The following C11orf54 variants were observed in gnomAD, a reference collection of about 807,000 sequenced individuals.
C11orf54 encodes the protein beta-keto L-gulonate decarboxylase.
Under a neutral mutation model 35.5 loss-of-function variants are expected in C11orf54, and 29 were observed. The ratio of observed to expected loss-of-function variants is 0.82; its 90% CI spans 0.61 to 1.11. C11orf54 has a LOEUF of 1.11. Among genes scored for constraint, C11orf54 ranks in the 50% most tolerant of loss-of-function variants. C11orf54 has a pLI of 0.00. For synonymous variants in C11orf54, 108 were observed against 121.1 expected, an observed-to-expected ratio of 0.89 and a Z score of 0.71; for missense variants, 373 against 369.2, an observed-to-expected ratio of 1.01 and a Z score of -0.08.
Position 93,759,865 on chromosome 11 carries a change from C to T in C11orf54, c.774+7C>T. 1 of 1,507,596 alleles carries T rather than the reference C, an allele frequency of 6.6e-7. No individual in the cohort carries two copies. Among genetic ancestry groups the T allele is most frequent in the Non-Finnish European group, 9.1e-7 (1 of 1,092,932 alleles). The allele number at this position is 1,507,596 out of a possible 1,614,324, so 93.4% of individuals were successfully genotyped here. ...TTTTGTCTCCAGAGACCCAGTAAGT[C>T]TGTGTCTGTTTTTTATATTATACTA... On this transcript the variant is annotated splice_region_variant and intron_variant, in intron 8 of 8. Transcript: ENST00000354421.
Position 93,759,845 on chromosome 11 carries a change from T to C in C11orf54, c.761T>C (p.Val254Ala). Residue 254 changes from valine to alanine, a missense_variant, in exon 8 of 9, where the codon GTC becomes GCC. Coordinates refer to ENST00000354421, the MANE Select transcript of C11orf54 (RefSeq NM_001286069.2). ...KAPLVCLPVFVSRDPGFDLRL... is the reference protein window; with the variant it reads ...KAPLVCLPVFASRDPGFDLRL... ...CCTTTGGTTTGTCTACCAGTTTTTGTCTCCAGAGACCCAGTAAGTCTGTGT... is the reference window on the plus strand; with the variant it reads ...CCTTTGGTTTGTCTACCAGTTTTTGCCTCCAGAGACCCAGTAAGTCTGTGT... The C allele has an allele frequency of 6.3e-7, 1 of 1,593,136 alleles. No individual in the cohort carries two copies. Among genetic ancestry groups the C allele is most frequent in the Non-Finnish European group, 8.6e-7 (1 of 1,162,544 alleles).
At chr11:93,748,996 T>C (rs1306631675) in intron 2 of C11orf54, among the ~76,000 whole-genome samples, 1 of 151,170 alleles carries the variant, frequency 6.6e-6, no homozygotes, top group East Asian at 2.0e-4. Flanking sequence ...ATAGAAAAAA[T>C]AGCTGGGTGT....
In C11orf54 at chr11:93,757,351, A is replaced by T; in HGVS notation, c.543A>T (p.Pro181=). 6.3e-7 allele frequency: 1 copy of T among 1,598,298 alleles called. No individual in the cohort carries two copies. The highest frequency in any genetic ancestry group is 8.5e-7 in the Non-Finnish European group (1 of 1,179,772). The change falls in exon 7 of 9, where the codon CCA becomes CCT. Residue 181 remains proline (P), a synonymous_variant. Coordinates refer to ENST00000354421, the MANE Select transcript of C11orf54 (RefSeq NM_001286069.2). Reference sequence around the variant, plus strand: ...TGAAAGCCAAAAGAAGAACTGGACCACTTAACTTTGTGACTTGTATGAGAG... The same window carrying T: ...TGAAAGCCAAAAGAAGAACTGGACCTCTTAACTTTGTGACTTGTATGAGAG... The part of the protein sequence containing the change: ...IEVKAKRRTG[P]LNFVTCMRET...
At chr11:93,755,669 C>G (rs957711155) in intron 6 of C11orf54, among the ~76,000 whole-genome samples, 1 of 150,344 alleles carries the variant, frequency 6.7e-6, no homozygotes, top group African/African-American at 2.4e-5. Flanking sequence ...GAGAGAATCG[C>G]TCAGACTCGG....
At chr11:93,750,623 C>G (rs1258929511) in intron 3 of C11orf54, among the ~76,000 whole-genome samples, 179 bp downstream of exon 3, 1 of 152,196 alleles carries the variant, frequency 6.6e-6, no homozygotes, top group Non-Finnish European at 1.5e-5. Flanking sequence ...TCATTTCATA[C>G]TCTTGTGGAA....
intron 3 of C11orf54, among the ~76,000 whole-genome samples, chr11:93,753,382 G>A (rs1244662760): frequency 5.9e-5 from 9 of 152,044 alleles, no homozygotes; most frequent in East Asian, 1.9e-4. Context: ...GAAATAAGGC[G>A]TCAAAGACAT....
intron 2 of C11orf54, among the ~76,000 whole-genome samples, 200 bp downstream of exon 2, chr11:93,747,648 C>CTGTT (rs1289357083): frequency 2.0e-5 from 3 of 151,122 alleles, no homozygotes; most frequent in Non-Finnish European, 4.4e-5. Flanking sequence ...CAAATTCTGT[C>CTGTT]TAAAAAAACT....
intron 1 of C11orf54, among the ~76,000 whole-genome samples, chr11:93,744,904 C>G (rs1942364596): frequency 6.6e-6 from 1 of 152,068 alleles, no homozygotes; most frequent in African/African-American, 2.4e-5. Flanking sequence ...AAGGGAACTG[C>G]GGTGGGAGAA....
intron 2 of C11orf54, among the ~76,000 whole-genome samples, chr11:93,748,742 A>T (rs640379): frequency 0.55 from 83,445 of 151,080 alleles, 24,373 homozygotes; most frequent in Admixed American, 0.69. Flanking sequence ...AGTCTGAGCT[A>T]CAAGAATCAC....
At chr11:93,750,472 T>C (rs1385346222) in intron 3 of C11orf54, 28 bp downstream of exon 3, 6 of 1,485,416 alleles carry the variant, frequency 4.0e-6, no homozygotes, top group Non-Finnish European at 5.6e-6. Flanking sequence ...TTAGCTTTTG[T>C]TTTTTAGTCA....
chr11:93,755,968 A>T (rs571147424), intron 6 of C11orf54, among the ~76,000 whole-genome samples: 1 of 152,026 alleles, frequency 6.6e-6, no homozygotes, highest in Admixed American at 6.6e-5. Context: ...AGCATTTGAG[A>T]CCAGTCTGGC....
chr11:93,745,526 GC>G (rs757476274), intron 1 of C11orf54, among the ~76,000 whole-genome samples: 3 of 152,168 alleles, frequency 2.0e-5, no homozygotes, highest in Non-Finnish European at 2.9e-5. Flanking sequence ...CAGGGTTGGG[GC>G]TAAAGTTACA....
In C11orf54 at chr11:93,744,336, A is replaced by G. The variant is rs1591327688; in HGVS notation, c.-98+2608A>G. ...ACTTTGTTTCTACTTTGGTAGGGACATAAATAAACGGAAACAACTGACCTA... is the reference window on the plus strand; with the variant it reads ...ACTTTGTTTCTACTTTGGTAGGGACGTAAATAAACGGAAACAACTGACCTA... On this transcript the variant is annotated intron_variant, in intron 1 of 8. Transcript: ENST00000354421. Among the ~76,000 whole-genome samples, 3 of 152,376 alleles carry G rather than the reference A, an allele frequency of 2.0e-5. No homozygotes were observed. The East Asian group carries it at 5.8e-4, about 29-fold the overall frequency.
In C11orf54 at chr11:93,757,203, G is replaced by T. The variant is rs1419877254; in HGVS notation, c.508-113G>T. On this transcript the variant is annotated intron_variant, in intron 6 of 8. Coordinates refer to ENST00000354421, the MANE Select transcript of C11orf54 (RefSeq NM_001286069.2). ...TGCAACATCTCAACTCAGATCTGGG[G>T]GCTCTAAGCAAAGAACAGAATATTT... 2.6e-6 allele frequency: 3 copies of T among 1,155,626 alleles called. No individual in the cohort carries two copies. In the African/African-American group the frequency reaches 4.7e-5, roughly 18 times the overall value. The allele number at this position is 1,155,626 out of a possible 1,614,324, so 71.6% of individuals were successfully genotyped here.
intron 3 of C11orf54, 37 bp from the exon 4 acceptor site, chr11:93,753,645 A>G: frequency 6.4e-7 from 1 of 1,573,838 alleles, no homozygotes; most frequent in Non-Finnish European, 8.7e-7. Context: ...CCTGTTTTTA[A>G]GGTGGCTTGT....
intron 1 of C11orf54, among the ~76,000 whole-genome samples, chr11:93,745,610 T>C (rs1461179910): frequency 6.6e-6 from 1 of 152,202 alleles, no homozygotes; most frequent in Non-Finnish European, 1.5e-5. Context: ...GTCTTCCTTT[T>C]CCACATAGAC....
At position 93,762,853 on chromosome 11, in the gene C11orf54, G is replaced by T. The variant is rs1331624896; in HGVS notation, c.*1165G>T. 2 of 152,206 alleles carry T rather than the reference G, an allele frequency of 1.3e-5. No homozygotes were observed. The highest frequency in any genetic ancestry group is 2.4e-5 in the African/African-American group (1 of 41,450). The allele number at this position is 152,206 out of a possible 1,614,324, so 9.4% of individuals were successfully genotyped here. On this transcript the variant is annotated 3_prime_UTR_variant, in exon 9 of 9. Coordinates refer to ENST00000354421, the MANE Select transcript of C11orf54 (RefSeq NM_001286069.2). ...AAATATAAAATTATACTCACTGATT[G>T]TAATGGTTGAAATTTTCCTGAATAA...
In C11orf54 at chr11:93,762,636, A is replaced by AG. The variant is rs1943527619; in HGVS notation, c.*948_*949insG. 1 of 152,168 alleles carries AG rather than the reference A, an allele frequency of 6.6e-6. No homozygotes were observed. Among genetic ancestry groups the AG allele is most frequent in the Admixed American group, 6.6e-5 (1 of 15,266 alleles). The allele number at this position is 152,168 out of a possible 1,614,324, so 9.4% of individuals were successfully genotyped here. ...TTAAAATGTTTCTTAAATAAAAAAA[A>AG]CACAAACATTAGCAACTAGTTGGCT... is the stretch of plus-strand genomic sequence containing the variant. On this transcript the variant is annotated 3_prime_UTR_variant, in exon 9 of 9. Transcript: ENST00000354421.
chr11:93,747,514 C>T (rs1334137496), intron 2 of C11orf54, 66 bp downstream of exon 2: 9 of 1,277,898 alleles, frequency 7.0e-6, no homozygotes, highest in Non-Finnish European at 7.7e-6. Context: ...TAAAAAGATT[C>T]TAAGATCTAT....
Sources: allele counts gnomAD v4.1 joint callset (sites outside exome capture counted in the v4.1 genomes callset), GRCh38; gene constraint gnomAD v4.1.1; transcripts MANE v1.5; gene names NCBI Gene and HGNC (gene_info 2026-07-23, HGNC 2026-07-21).